PLEKHA1: variants seen among roughly 807,000 people sequenced by gnomAD.
PLEKHA1 encodes pleckstrin homology domain containing A1.
PLEKHA1 carries 34 observed loss-of-function variants against 52.0 expected under a neutral mutation model. That is an observed-to-expected ratio of 0.65 (90% CI 0.50 to 0.87). The LOEUF is 0.87. Among genes scored for constraint, PLEKHA1 ranks in the 40% least tolerant of loss-of-function variants. PLEKHA1 has a pLI of 0.00. For missense variants in PLEKHA1, 497 were observed against 504.2 expected (o/e 0.99, Z 0.14); for synonymous variants, 163 against 170.7 (o/e 0.95, Z 0.35).
intron 1 of PLEKHA1, among the ~76,000 whole-genome samples, chr10:122,382,677 A>G (rs1163340414): frequency 6.6e-6 from 1 of 152,164 alleles, no homozygotes; most frequent in Non-Finnish European, 1.5e-5. Flanking sequence ...GATGTAGTTC[A>G]TATTATTTCT....
chr10:122,400,363 A>C lies in PLEKHA1; in HGVS notation c.219A>C (p.Leu73=). ...YISKVSDATK[L]RPKAEFCFVM... ...TTTAGGTTAGCGATGCTACTAAGCTAAGGCCAAAGGCGGAGTTCTGTTTTG... is the reference window on the plus strand; with the variant it reads ...TTTAGGTTAGCGATGCTACTAAGCTCAGGCCAAAGGCGGAGTTCTGTTTTG... Residue 73 remains leucine (L), a synonymous_variant, in exon 4 of 12, where the codon CTA becomes CTC. Coordinates refer to ENST00000368990, the MANE Select transcript of PLEKHA1 (RefSeq NM_001001974.4). 6.2e-7 allele frequency: 1 copy of C among 1,607,956 alleles called. No individual in the cohort carries two copies. Among genetic ancestry groups the C allele is most frequent in the African/African-American group, 1.3e-5 (1 of 74,604 alleles).
chr10:122,390,090 T>C (rs2133934100), intron 1 of PLEKHA1, among the ~76,000 whole-genome samples: 1 of 152,348 alleles, frequency 6.6e-6, no homozygotes, highest in South Asian at 2.1e-4. Context: ...CTGCTTCACC[T>C]TGCACTTTTA....
chr10:122,383,113 T>C (rs11200595), intron 1 of PLEKHA1, among the ~76,000 whole-genome samples: 70,746 of 151,876 alleles, frequency 0.47, 17,278 homozygotes, highest in East Asian at 0.62. Flanking sequence ...TTTAAAAAAC[T>C]TTTCTATTAT....
chr10:122,400,066 A>G (rs866338558), intron 3 of PLEKHA1, among the ~76,000 whole-genome samples: 1 of 152,342 alleles, frequency 6.6e-6, no homozygotes, highest in Middle Eastern at 3.4e-3. Context: ...CATAAAGCCT[A>G]ATGGTTTACT....
At chr10:122,434,081 TC>T (rs755758247), downstream of PLEKHA1, 1 of 152,190 alleles carries the variant, frequency 6.6e-6, no homozygotes, top group Non-Finnish European at 1.5e-5. Context: ...GGAGCCTGCT[TC>T]CTTGAAAGTG....
chr10:122,406,950 G>A (rs920930967), intron 5 of PLEKHA1, among the ~76,000 whole-genome samples: 14 of 152,180 alleles, frequency 9.2e-5, no homozygotes, highest in Admixed American at 5.2e-4. Flanking sequence ...GAGAAAATGC[G>A]CTTAGCACGT....
At chr10:122,390,555 A>G (rs1388544555) in intron 1 of PLEKHA1, among the ~76,000 whole-genome samples, 1 of 152,102 alleles carries the variant, frequency 6.6e-6, no homozygotes, top group Admixed American at 6.5e-5. Flanking sequence ...AGGCAAGAGG[A>G]TTGCTTGAGG....
At chr10:122,409,973 G>A (rs896800060) in intron 5 of PLEKHA1, among the ~76,000 whole-genome samples, 1 of 151,950 alleles carries the variant, frequency 6.6e-6, no homozygotes, top group African/African-American at 2.4e-5. Context: ...GTAGAGACTG[G>A]GTTTCGCCAT....
intron 1 of PLEKHA1, among the ~76,000 whole-genome samples, chr10:122,377,102 T>C (rs1390196089): frequency 1.3e-5 from 2 of 152,210 alleles, no homozygotes; most frequent in African/African-American, 2.4e-5. Flanking sequence ...ATCTAATAAA[T>C]AGTTTATTAA....
chr10:122,393,953 T>C lies in PLEKHA1; in HGVS notation c.141+612T>C, dbSNP rs1478414746. Among the ~76,000 whole-genome samples the C allele has an allele frequency of 1.3e-5, 2 of 152,180 alleles. No homozygotes were observed. The highest frequency in any genetic ancestry group is 3.8e-4 in the East Asian group (2 of 5,198). On this transcript the variant is annotated intron_variant, in intron 2 of 11. Transcript: ENST00000368990. The surrounding 1 kb of genome is among the most constrained non-coding windows in gnomAD (Gnocchi z 4.5). ...ACTGAAATGCAGTTTGATTTTATTG[T>C]TGCCTTGCAAAACACAGGGGTAAAT...
chr10:122,401,164 A>G (rs1236306928), intron 4 of PLEKHA1, among the ~76,000 whole-genome samples: 2 of 151,958 alleles, frequency 1.3e-5, no homozygotes, highest in East Asian at 3.9e-4. Context: ...CTGGAGCTGA[A>G]CACTCTGAAG....
chr10:122,404,176 T>C (rs957283668), intron 4 of PLEKHA1, among the ~76,000 whole-genome samples: 1 of 152,198 alleles, frequency 6.6e-6, no homozygotes, highest in Non-Finnish European at 1.5e-5. Context: ...TTAAATAATG[T>C]TTAAAAGATG....
In PLEKHA1 at chr10:122,386,531, G is replaced by A. The variant is rs571238567; in HGVS notation, c.-20-6650G>A. 3.3e-5 allele frequency: 5 copies of A among 151,906 alleles called. No individual in the cohort carries two copies. In the South Asian group the frequency reaches 1.0e-3, roughly 31 times the overall value. 9.4% of individuals were successfully genotyped at this position (151,906 alleles called of 1,614,324 possible). A position where few individuals can be genotyped will look rare whatever the true frequency, so the allele number is the denominator to read the frequency against. On this transcript the variant is annotated intron_variant, in intron 1 of 11. Transcript: ENST00000368990. Reference sequence around the variant, plus strand: ...AACTATTATATGGTTCAGGCTTTTTGTGTCTTATCTAAGAAATATTTGTCT... The same window carrying A: ...AACTATTATATGGTTCAGGCTTTTTATGTCTTATCTAAGAAATATTTGTCT...
rs1348047835 is a variant in PLEKHA1, at chr10:122,388,849, GCT to G, written c.-20-4330_-20-4329del. The stretch of plus-strand genomic sequence containing the variant: ...GCATTTCAAGAAACCACTTTTGTTT[GCT>G]CATCCATAGAAGCAACTTCTCATCT... On this transcript the variant is annotated intron_variant, in intron 1 of 11. Transcript: ENST00000368990. 5.1e-3 allele frequency among the ~76,000 whole-genome samples: 782 copies of G among 152,226 alleles called. 8 individuals carry two copies. Among genetic ancestry groups the G allele is most frequent in the African/African-American group, 0.018 (751 of 41,520 alleles).
chr10:122,439,878 G>C, the PLEKHA1 span: 1 of 152,170 alleles, frequency 6.6e-6, no homozygotes, highest in Non-Finnish European at 1.5e-5. Flanking sequence ...GATATGCTTA[G>C]GCTTTCTATC....
At chr10:122,423,544 T>C (rs897163095) in intron 8 of PLEKHA1, 1 of 152,256 alleles carries the variant, frequency 6.6e-6, no homozygotes, top group Non-Finnish European at 1.5e-5. Context: ...GAAATATGTA[T>C]ATTGTATTTT....
Position 122,416,005 on chromosome 10 carries a change from G to A in PLEKHA1, c.612+3G>A, listed in dbSNP as rs775954328. 1.9e-6 allele frequency: 3 copies of A among 1,598,560 alleles called. No homozygotes were observed. The highest frequency in any genetic ancestry group is 2.6e-6 in the Non-Finnish European group (3 of 1,173,846). On this transcript the variant is annotated splice_donor_region_variant and intron_variant, in intron 7 of 11. Transcript: ENST00000368990. ...ATTGTGTAAAACAAGGAGCAGTGGT[G>A]AGTAGCTTAACAAAATACATGAAAT... is the stretch of plus-strand genomic sequence containing the variant.
chr10:122,385,210 A>G (rs1012406951), intron 1 of PLEKHA1, among the ~76,000 whole-genome samples: 2 of 151,690 alleles, frequency 1.3e-5, no homozygotes, highest in Non-Finnish European at 2.9e-5. Context: ...TCAGAATTTT[A>G]TAGAAATATA....
chr10:122,403,657 C>A (rs2096962486), intron 4 of PLEKHA1, among the ~76,000 whole-genome samples: 1 of 151,870 alleles, frequency 6.6e-6, no homozygotes. Context: ...CCCCTCACCA[C>A]CAATATTGCT....
Sources: allele counts gnomAD v4.1 joint callset (sites outside exome capture counted in the v4.1 genomes callset), GRCh38; gene constraint gnomAD v4.1.1; non-coding constraint Gnocchi (gnomAD v3.1); transcripts MANE v1.5; gene names NCBI Gene and HGNC (gene_info 2026-07-23, HGNC 2026-07-21).